The following MACF1 variants were observed in gnomAD, a reference collection of about 807,000 sequenced individuals.
MACF1 encodes the protein microtubule actin crosslinking factor 1.
MACF1 carries 193 observed loss-of-function variants against 854.8 expected under a neutral mutation model. That is an observed-to-expected ratio of 0.23 (90% CI 0.20 to 0.25). The LOEUF (loss-of-function observed/expected upper bound fraction) is 0.25. MACF1 is among the 10% of genes least tolerant of loss of function. The pLI is 1.00. For synonymous variants in MACF1, 3,185 were observed against 3,226.7 expected, an observed-to-expected ratio of 0.99 and a Z score of 0.44; for missense variants, 7,722 against 8,929.1, an observed-to-expected ratio of 0.86 and a Z score of 5.45.
At chr1:39,099,912 T>G (rs954331355) in intron 2 of MACF1, among the ~76,000 whole-genome samples, 1 of 152,102 alleles carries the variant, frequency 6.6e-6, no homozygotes, top group Non-Finnish European at 1.5e-5. Context: ...AGACCCTGTC[T>G]CTATAAAAAA....
intron 57 of MACF1, 60 bp from the exon 58 acceptor site, chr1:39,387,127 A>G: frequency 6.4e-7 from 1 of 1,561,932 alleles, no homozygotes; most frequent in South Asian, 1.2e-5. Flanking sequence ...TACTCTCAGC[A>G]AACATTTTAA....
At chr1:39,417,090 A>G (rs1643343569) in intron 58 of MACF1, among the ~76,000 whole-genome samples, 2 of 152,370 alleles carry the variant, frequency 1.3e-5, no homozygotes, top group South Asian at 4.1e-4. Flanking sequence ...TTAGAACTCA[A>G]CAAGTGATTT....
At chr1:39,412,603 G>A (rs761277600) in intron 58 of MACF1, 1 of 1,614,016 alleles carries the variant, frequency 6.2e-7, no homozygotes. Context: ...AGTGGAAACT[G>A]TGAATGATAC....
intron 2 of MACF1, among the ~76,000 whole-genome samples, chr1:39,102,162 G>A (rs391138): frequency 0.63 from 94,283 of 150,378 alleles, 30,514 homozygotes; most frequent in East Asian, 0.86. Flanking sequence ...GGGCGACAGC[G>A]AGACTCCGTC....
chr1:39,330,727 CA>C (rs1557591039), intron 36 of MACF1, among the ~76,000 whole-genome samples: 1 of 151,840 alleles, frequency 6.6e-6, no homozygotes, highest in Non-Finnish European at 1.5e-5. Context: ...TGGCTTGCTT[CA>C]GAATATTTCC....
intron 44 of MACF1, among the ~76,000 whole-genome samples, chr1:39,355,912 C>A (rs1384260182): frequency 6.6e-6 from 1 of 152,088 alleles, no homozygotes; most frequent in Admixed American, 6.6e-5. Context: ...GTTGCTCAGG[C>A]TGGTCTCAAA....
rs76844311 is a variant in MACF1, at chr1:39,356,064, C to A, written c.11425-1311C>A. ...TCTGTAGTCCTTCTCTAAGTAGTGG[C>A]ATAAACAGTATAGGTAGTAAGGAAC... On this transcript the variant is annotated intron_variant, in intron 44 of 100. Transcript: ENST00000564288. 5.3e-3 allele frequency among the ~76,000 whole-genome samples: 811 copies of A among 152,212 alleles called. 6 individuals are homozygous for A. The highest frequency in any genetic ancestry group is 0.019 in the African/African-American group (773 of 41,522).
chr1:39,230,322 G>T (rs572533229), intron 1 of MACF1, among the ~76,000 whole-genome samples: 1 of 152,092 alleles, frequency 6.6e-6, no homozygotes, highest in African/African-American at 2.4e-5. Context: ...CCAAGTCATC[G>T]GGGAAGGCTA....
chr1:39,193,621 CTG>C (rs1193553159), intron 2 of MACF1, among the ~76,000 whole-genome samples: 1 of 152,176 alleles, frequency 6.6e-6, no homozygotes, highest in African/African-American at 2.4e-5. Flanking sequence ...TTAATCCTCA[CTG>C]TAACACTGTG....
chr1:39,425,575 A>G (rs537595369), intron 61 of MACF1, among the ~76,000 whole-genome samples: 4 of 152,268 alleles, frequency 2.6e-5, no homozygotes, highest in Non-Finnish European at 4.4e-5. Flanking sequence ...CTTAGCTTCT[A>G]CTATTCTTCT....
Position 39,485,888 on chromosome 1 carries a change from A to T in MACF1, c.*94A>T, listed in dbSNP as rs531239096. 1.0e-5 allele frequency: 13 copies of T among 1,272,438 alleles called. No homozygotes were observed. Among genetic ancestry groups the T allele is most frequent in the Admixed American group, 3.1e-5 (1 of 32,456 alleles). The allele number at this position is 1,272,438 out of a possible 1,614,324, so 78.8% of individuals were successfully genotyped here. On this transcript the variant is annotated 3_prime_UTR_variant, in exon 101 of 101. Coordinates refer to ENST00000564288, the MANE Select transcript of MACF1 (RefSeq NM_001394062.1). ...TCTGAACGGGAGAAGTTATATTGTT[A>T]AAAGTGTAAAAGAATAATTGTGTTA...
chr1:39,481,403 C>T (rs1356608472), intron 99 of MACF1, among the ~76,000 whole-genome samples: 1 of 152,152 alleles, frequency 6.6e-6, no homozygotes, highest in African/African-American at 2.4e-5. Context: ...TCAACTATGG[C>T]GCATGTTCTA....
chr1:39,132,125 G>A (rs527587156), intron 2 of MACF1, among the ~76,000 whole-genome samples: 1 of 152,306 alleles, frequency 6.6e-6, no homozygotes, highest in East Asian at 1.9e-4. Flanking sequence ...AAGGAGCTCA[G>A]AATTAGATTG....
intron 28 of MACF1, 36 bp from the exon 29 acceptor site, chr1:39,317,178 A>C (rs1360020719): frequency 5.6e-6 from 9 of 1,595,628 alleles, no homozygotes; most frequent in African/African-American, 1.3e-5. Flanking sequence ...TAGCATGGAA[A>C]GTATACAACC....
chr1:39,368,360 T>C (rs955893447), intron 50 of MACF1, 46 bp downstream of exon 50: 15 of 1,556,668 alleles, frequency 9.6e-6, no homozygotes, highest in Middle Eastern at 1.7e-4. Flanking sequence ...CTATTTTTTC[T>C]TGTTATGGAG....
intron 13 of MACF1, 37 bp from the exon 14 acceptor site, chr1:39,285,567 G>A (rs377129023): frequency 3.7e-6 from 6 of 1,604,056 alleles, no homozygotes; most frequent in Non-Finnish European, 5.1e-6. Context: ...TGGGGCAATG[G>A]AAGTTTTCCC....
chr1:39,303,919 C>G (rs550927367), intron 23 of MACF1, among the ~76,000 whole-genome samples: 76 of 149,840 alleles, frequency 5.1e-4, no homozygotes, highest in African/African-American at 1.8e-3. Flanking sequence ...CATTAGTTAT[C>G]ATTAGTTTAT....
Position 39,335,641 on chromosome 1 carries a change from G to C in MACF1, c.9053G>C (p.Arg3018Thr). 1 of 1,614,118 alleles carries C rather than the reference G, an allele frequency of 6.2e-7. No homozygotes were observed. The highest frequency in any genetic ancestry group is 1.3e-5 in the African/African-American group (1 of 75,024). ...GACTCCCATATAAAGAGCCAACCTAGGGAAATGACCTCAAGTGAAAAAGGG... is the reference window on the plus strand; with the variant it reads ...GACTCCCATATAAAGAGCCAACCTACGGAAATGACCTCAAGTGAAAAAGGG... Reference protein sequence around the residue: ...EHDSHIKSQPREMTSSEKGKE... With the variant: ...EHDSHIKSQPTEMTSSEKGKE... The change falls in exon 37 of 101, where the codon AGG becomes ACG. Residue 3018 changes from arginine to threonine, a missense_variant. Arg to Thr is a moderately conservative substitution (Grantham distance 71). Around this residue, in one of 15 missense-constraint regions of MACF1, gnomAD observed 854 missense variants for 852.6 expected, o/e 1.00. Transcript: ENST00000564288.
chr1:39,322,475 C>G (rs1646532555), intron 31 of MACF1, 133 bp from the exon 32 acceptor site: 6 of 683,738 alleles, frequency 8.8e-6, no homozygotes, highest in Non-Finnish European at 1.3e-5. Flanking sequence ...TGGCCTTTTA[C>G]AGGAAAAGTT....
Sources: allele counts gnomAD v4.1 joint callset (sites outside exome capture counted in the v4.1 genomes callset), GRCh38; gene constraint gnomAD v4.1.1; regional missense constraint gnomAD v4.1.1; transcripts MANE v1.5; gene names NCBI Gene and HGNC (gene_info 2026-07-23, HGNC 2026-07-21).